Variants in NELL2 observed in about 807,000 individuals in gnomAD.
The protein encoded by NELL2 is protein kinase C-binding protein NELL2.
Under a neutral mutation model 109.6 loss-of-function variants are expected in NELL2, and 41 were observed. The ratio of observed to expected loss-of-function variants is 0.37; its 90% CI spans 0.29 to 0.49. NELL2 has a LOEUF of 0.49. NELL2 is among the 20% of genes least tolerant of loss of function. NELL2 has a pLI of 0.98. For missense variants in NELL2, 900 were observed against 1,008.3 expected, an observed-to-expected ratio of 0.89 and a Z score of 1.45; for synonymous variants, 355 against 344.7, an observed-to-expected ratio of 1.03 and a Z score of -0.33.
upstream of NELL2, among the ~76,000 whole-genome samples, chr12:44,879,345 G>T (rs1945385142): frequency 6.6e-6 from 1 of 152,110 alleles, no homozygotes; most frequent in African/African-American, 2.4e-5. Flanking sequence ...TGTGGTAGTT[G>T]GTTACAGCAT....
chr12:44,659,553 C>T (rs1247489542), intron 13 of NELL2, among the ~76,000 whole-genome samples: 1 of 152,130 alleles, frequency 6.6e-6, no homozygotes, highest in African/African-American at 2.4e-5. Flanking sequence ...TGAACAGACA[C>T]TTCTCAACAG....
At chr12:44,819,237 C>T (rs371637388) in intron 2 of NELL2, among the ~76,000 whole-genome samples, 2 of 151,912 alleles carry the variant, frequency 1.3e-5, no homozygotes, top group Admixed American at 6.6e-5. Context: ...GATCAATCAG[C>T]GTTTTGAAAA....
At chr12:44,807,004 T>C (rs1943023106) in intron 3 of NELL2, among the ~76,000 whole-genome samples, 1 of 151,512 alleles carries the variant, frequency 6.6e-6, no homozygotes, top group African/African-American at 2.4e-5. Context: ...GGTTCAAGAC[T>C]AAGACAGGGA....
chr12:44,830,066 A>C lies in NELL2; in HGVS notation c.185-13930T>G, dbSNP rs141636291. ...TAGTAAAATGATTAGCATAAAAAGAAGAAAACAAGATGAAGGTAAGATTTC... is the reference window on the plus strand; with the variant it reads ...TAGTAAAATGATTAGCATAAAAAGACGAAAACAAGATGAAGGTAAGATTTC... On this transcript the variant is annotated intron_variant, in intron 2 of 19. Coordinates refer to ENST00000429094, the MANE Select transcript of NELL2 (RefSeq NM_001145108.2). Among the ~76,000 whole-genome samples the C allele has an allele frequency of 2.3e-3, 350 of 152,340 alleles. 2 individuals carry two copies. The highest frequency in any genetic ancestry group is 7.9e-3 in the African/African-American group (328 of 41,592).
At chr12:44,769,031 T>C (rs1489918851) in intron 9 of NELL2, among the ~76,000 whole-genome samples, 1 of 152,194 alleles carries the variant, frequency 6.6e-6, no homozygotes, top group Non-Finnish European at 1.5e-5. Flanking sequence ...TGAATTATAT[T>C]CTGCTGATTT....
At chr12:44,650,518 C>T (rs1308578792) in intron 13 of NELL2, among the ~76,000 whole-genome samples, 2 of 151,988 alleles carry the variant, frequency 1.3e-5, no homozygotes, top group East Asian at 3.9e-4. Flanking sequence ...TGGTCTTGAA[C>T]CCCTGACCTC....
In NELL2 at chr12:44,607,180, C is replaced by T. The variant is rs377391098; in HGVS notation, c.1652G>A (p.Ser551Asn). Reference sequence around the variant, plus strand: ...AATGATATTCTTACCCGTTTCACAGCTGGGTCCAGTGAAGCCTTGTGGGCA... The same window carrying T: ...AATGATATTCTTACCCGTTTCACAGTTGGGTCCAGTGAAGCCTTGTGGGCA... The part of the protein sequence containing the change: ...CACPQGFTGP[S>N]CETDIDECSD... The change falls in exon 15 of 20, where the codon AGC (serine) becomes AAC (asparagine). Residue 551 changes from serine to asparagine, a missense_variant. Ser to Asn is a conservative substitution (Grantham distance 46, BLOSUM62 1). Around this residue, in one of 4 missense-constraint regions of NELL2, gnomAD observed 333 missense variants for 432.3 expected, o/e 0.77. Transcript: ENST00000429094. The T allele has an allele frequency of 5.6e-6, 9 of 1,611,720 alleles. No individual in the cohort carries two copies. Among genetic ancestry groups the T allele is most frequent in the Non-Finnish European group, 7.6e-6 (9 of 1,178,750 alleles).
intron 9 of NELL2, among the ~76,000 whole-genome samples, chr12:44,733,022 T>C (rs905673957): frequency 1.3e-5 from 2 of 152,054 alleles, no homozygotes; most frequent in South Asian, 2.1e-4. Context: ...CTGCTAGGAT[T>C]GTCATTACCA....
intron 3 of NELL2, among the ~76,000 whole-genome samples, chr12:44,782,861 T>C (rs747199164): frequency 3.9e-5 from 6 of 151,934 alleles, no homozygotes; most frequent in Non-Finnish European, 8.8e-5. Flanking sequence ...GTCAAGAATA[T>C]ATAACTCAAA....
chr12:44,741,563 G>C (rs1014712347), intron 9 of NELL2, among the ~76,000 whole-genome samples: 22 of 152,222 alleles, frequency 1.4e-4, no homozygotes, highest in African/African-American at 5.3e-4. Flanking sequence ...GTCAAAGAAA[G>C]GGGTGACAGA....
intron 15 of NELL2, among the ~76,000 whole-genome samples, chr12:44,574,157 G>C (rs912647111): frequency 1.3e-5 from 2 of 151,700 alleles, no homozygotes; most frequent in Non-Finnish European, 2.9e-5. Context: ...TCTGTCTCTT[G>C]GGTTCAAGTG....
At chr12:44,644,594 A>ATG (rs1946996144) in intron 13 of NELL2, among the ~76,000 whole-genome samples, 2 of 92,486 alleles carry the variant, frequency 2.2e-5, no homozygotes, top group Admixed American at 2.2e-4. Context: ...ATATATATAT[A>ATG]TATATATATG....
At chr12:44,900,648 C>T (rs1171214388) in intron 1 of NELL2, among the ~76,000 whole-genome samples, 1 of 152,038 alleles carries the variant, frequency 6.6e-6, no homozygotes, top group Non-Finnish European at 1.5e-5. Flanking sequence ...TAAATGCCCA[C>T]AAGAGAAAGT....
At chr12:44,806,257 A>C (rs1024896318) in intron 3 of NELL2, among the ~76,000 whole-genome samples, 1 of 151,910 alleles carries the variant, frequency 6.6e-6, no homozygotes, top group Admixed American at 6.6e-5. Flanking sequence ...AGATATATGC[A>C]TGGCCAATAA....
In NELL2 at chr12:44,570,768, C is replaced by T. The variant is rs1042252042; in HGVS notation, c.1663+36401G>A. Among the ~76,000 whole-genome samples, 7 of 152,118 alleles carry T rather than the reference C, an allele frequency of 4.6e-5. No individual in the cohort carries two copies. The East Asian group carries it at 5.8e-4, about 13-fold the overall frequency. ...GCTAACTTGTCCTTGAAACTTAAAT[C>T]GCTTTATTTGCCACATCTCAGACTT... On this transcript the variant is annotated intron_variant, in intron 15 of 19. Coordinates refer to ENST00000429094, the MANE Select transcript of NELL2 (RefSeq NM_001145108.2).
rs1217047589 is a variant in NELL2 at position 44,774,964 on chromosome 12, C to A, written c.892-115G>T. 9.8e-6 allele frequency: 7 copies of A among 711,664 alleles called. No homozygotes were observed. The East Asian group carries it at 1.7e-4, about 18-fold the overall frequency. 44.1% of individuals were successfully genotyped at this position (711,664 alleles called of 1,614,324 possible). A position where few individuals can be genotyped will look rare whatever the true frequency, so the allele number is the denominator to read the frequency against. ...TTCATGTGAAGAGAACAGAACAGGC[C>A]ATTCATTGCCAGGAGGGGAGGCGGT... is the stretch of plus-strand genomic sequence containing the variant. On this transcript the variant is annotated intron_variant, in intron 8 of 19. Coordinates refer to ENST00000429094, the MANE Select transcript of NELL2 (RefSeq NM_001145108.2).
At chr12:44,564,793 C>A (rs1160225001) in intron 15 of NELL2, among the ~76,000 whole-genome samples, 1 of 152,112 alleles carries the variant, frequency 6.6e-6, no homozygotes, top group Non-Finnish European at 1.5e-5. Flanking sequence ...CTCACTTTTT[C>A]TTTCATTACA....
intron 9 of NELL2, among the ~76,000 whole-genome samples, chr12:44,740,933 TA>T (rs1348977577): frequency 1.4e-4 from 22 of 152,312 alleles, no homozygotes; most frequent in African/African-American, 4.8e-4. Flanking sequence ...CACATCATAA[TA>T]AAAAATATAG....
chr12:44,523,255 GAATAA>G (rs1336639230), intron 17 of NELL2, 31 bp downstream of exon 17: 1 of 1,607,496 alleles, frequency 6.2e-7, no homozygotes, highest in South Asian at 1.1e-5. Context: ...AATTACAACT[GAATAA>G]AATTAATTAA....
Sources: allele counts gnomAD v4.1 joint callset (sites outside exome capture counted in the v4.1 genomes callset), GRCh38; gene constraint gnomAD v4.1.1; regional missense constraint gnomAD v4.1.1; transcripts MANE v1.5; gene names NCBI Gene and HGNC (gene_info 2026-07-23, HGNC 2026-07-21).